Variants in LARP4B observed in about 807,000 individuals in gnomAD.
LARP4B encodes la-related protein 4B.
Under a neutral mutation model 89.8 loss-of-function variants are expected in LARP4B, and 12 were observed. The observed-to-expected ratio is 0.13, with a 90% CI of 0.09 to 0.22. LARP4B has a LOEUF of 0.22. Among genes scored for constraint, LARP4B ranks in the 10% least tolerant of loss-of-function variants. The probability of loss-of-function intolerance (pLI) is 1.00; values close to 1 mark genes in which losing one functional copy is unlikely to be tolerated. For missense variants in LARP4B, 757 were observed against 947.7 expected (o/e 0.80, Z 2.64); for synonymous variants, 367 against 363.3 (o/e 1.01, Z -0.12).
chr10:914,213 T>A (rs535995912), intron 1 of LARP4B, among the ~76,000 whole-genome samples: 1 of 152,182 alleles, frequency 6.6e-6, no homozygotes, highest in Non-Finnish European at 1.5e-5. Flanking sequence ...AAATTCGAGT[T>A]ACTAAGAGTT....
the LARP4B span, among the ~76,000 whole-genome samples, chr10:959,670 G>A: frequency 7.5e-5 from 1 of 13,384 alleles, no homozygotes; most frequent in Non-Finnish European, 1.2e-4. Flanking sequence ...CCACCTCCCC[G>A]TCAATCCACC....
chr10:815,972 T>C (rs1433665207), intron 15 of LARP4B, among the ~76,000 whole-genome samples: 1 of 152,220 alleles, frequency 6.6e-6, no homozygotes, highest in Non-Finnish European at 1.5e-5. Flanking sequence ...CTCACGCCTA[T>C]AATCCCCGCA....
the LARP4B span, chr10:972,184 C>T: frequency 6.6e-6 from 2 of 303,592 alleles, no homozygotes; most frequent in Non-Finnish European, 1.3e-5. Context: ...TGTGTCAACA[C>T]GCCTGGGTAA....
intron 8 of LARP4B, among the ~76,000 whole-genome samples, chr10:834,439 A>T (rs1468036529): frequency 6.6e-6 from 1 of 152,248 alleles, no homozygotes; most frequent in Non-Finnish European, 1.5e-5. Flanking sequence ...AAAATGTACT[A>T]ATCACTGACA....
At chr10:870,092 A>T in intron 3 of LARP4B, 11 of 980,710 alleles carry the variant, frequency 1.1e-5, no homozygotes, top group Non-Finnish European at 1.3e-5. Flanking sequence ...TTCTGAAAAC[A>T]AAGCAATTTC....
At chr10:869,904 AAATAATAAT>A (rs140243543) in intron 3 of LARP4B, 11,636 of 156,976 alleles carry the variant, frequency 0.074, 506 homozygotes, top group African/African-American at 0.1. Flanking sequence ...CTCAAAAAAT[AAATAATAAT>A]AATAATAATA....
the LARP4B span, among the ~76,000 whole-genome samples, chr10:965,229 C>A: frequency 4.6e-5 from 7 of 152,228 alleles, no homozygotes; most frequent in African/African-American, 1.7e-4. Flanking sequence ...CTGAGGGCCC[C>A]GCTCGGCTGT....
intron 1 of LARP4B, among the ~76,000 whole-genome samples, chr10:928,115 G>C (rs554371045): frequency 2.6e-5 from 4 of 151,952 alleles, no homozygotes; most frequent in East Asian, 3.9e-4. Flanking sequence ...CCAGCTACTC[G>C]GGAGGCTGAG....
At chr10:874,805 CTT>C in intron 3 of LARP4B, among the ~76,000 whole-genome samples, 1 of 152,218 alleles carries the variant, frequency 6.6e-6, no homozygotes. Context: ...AACAAGAACA[CTT>C]ATGAATATAC....
At chr10:974,915 A>T in the LARP4B span, among the ~76,000 whole-genome samples, 1 of 152,226 alleles carries the variant, frequency 6.6e-6, no homozygotes, top group Non-Finnish European at 1.5e-5. Context: ...CAGGCATGAG[A>T]TGATAGTGTG....
At chr10:930,150 T>C (rs1036835853) in intron 1 of LARP4B, among the ~76,000 whole-genome samples, 1 of 151,568 alleles carries the variant, frequency 6.6e-6, no homozygotes, top group East Asian at 1.9e-4. Flanking sequence ...TTCCCCACTG[T>C]GGTCTTCACA....
intron 11 of LARP4B, among the ~76,000 whole-genome samples, chr10:826,335 T>C (rs1832619564): frequency 5.3e-5 from 8 of 152,196 alleles, no homozygotes. Context: ...TGACAGGGCC[T>C]TTACCTTTAC....
chr10:938,719 T>G, the LARP4B span, among the ~76,000 whole-genome samples: 1 of 152,234 alleles, frequency 6.6e-6, no homozygotes, highest in Admixed American at 6.5e-5. Context: ...TATATGTCTA[T>G]ATATACATCT....
At chr10:883,815 C>T (rs946661703) in intron 3 of LARP4B, among the ~76,000 whole-genome samples, 1 of 150,482 alleles carries the variant, frequency 6.6e-6, no homozygotes, top group Non-Finnish European at 1.5e-5. Flanking sequence ...CTCCTCAATT[C>T]CTACGTGAAC....
intron 1 of LARP4B, among the ~76,000 whole-genome samples, chr10:898,503 G>C (rs1039904943): frequency 6.6e-6 from 1 of 152,270 alleles, no homozygotes; most frequent in East Asian, 1.9e-4. Context: ...TAAACTACTA[G>C]GTTAAGACCC....
At chr10:829,819 G>A (rs1418457995) in intron 9 of LARP4B, 85 bp from the exon 10 acceptor site, 1 of 874,976 alleles carries the variant, frequency 1.1e-6, no homozygotes, top group East Asian at 2.4e-5. Flanking sequence ...GCTCAAATAG[G>A]GAAATATATA....
chr10:872,788 C>CT (rs1835288966), intron 3 of LARP4B, among the ~76,000 whole-genome samples: 1 of 152,200 alleles, frequency 6.6e-6, no homozygotes, highest in East Asian at 1.9e-4. Flanking sequence ...CACAGACCCC[C>CT]TCAGAATTCT....
chr10:919,274 G>A (rs376942995), intron 1 of LARP4B, among the ~76,000 whole-genome samples: 2 of 152,104 alleles, frequency 1.3e-5, no homozygotes, highest in East Asian at 1.9e-4. Context: ...TGCACAGAAC[G>A]CTGACCCTCT....
intron 3 of LARP4B, among the ~76,000 whole-genome samples, chr10:869,810 G>A (rs974252038): frequency 6.6e-6 from 1 of 151,562 alleles, no homozygotes; most frequent in South Asian, 2.1e-4. Context: ...CTTGAACCCG[G>A]CAATCACTTG....
Sources: gnomAD v4.1 joint callset for allele counts (sites outside exome capture counted in the v4.1 genomes callset) on GRCh38, gnomAD v4.1.1 for gene constraint, MANE v1.5 for transcripts, NCBI Gene and HGNC (gene_info 2026-07-23, HGNC 2026-07-21) for gene names.